RBPJ: variants seen among roughly 807,000 people sequenced by gnomAD.
The protein encoded by RBPJ is recombining binding protein suppressor of hairless.
Under a neutral mutation model 67.8 loss-of-function variants are expected in RBPJ, and 9 were observed. That is an observed-to-expected ratio of 0.13 (90% CI 0.08 to 0.23). The LOEUF (loss-of-function observed/expected upper bound fraction) is 0.23, where lower values mean the gene tolerates loss of function less well. Ranked by LOEUF, RBPJ falls within the 10% of genes least tolerant of loss-of-function variation. The pLI is 1.00. For missense variants in RBPJ, 305 were observed against 595.6 expected (o/e 0.51, Z 5.08); for synonymous variants, 198 against 203.3 (o/e 0.97, Z 0.22).
chr4:26,239,442 G>A (rs1181974976), intron 1 of RBPJ, among the ~76,000 whole-genome samples: 1 of 152,214 alleles, frequency 6.6e-6, no homozygotes, highest in Admixed American at 6.6e-5. Flanking sequence ...CAATGGTAGT[G>A]ACTCTGCAAA....
chr4:26,327,322 G>A (rs1046305183), intron 1 of RBPJ, among the ~76,000 whole-genome samples: 2 of 152,136 alleles, frequency 1.3e-5, no homozygotes, highest in Admixed American at 6.6e-5. Context: ...TAATTTTGTT[G>A]TGTTGAGACA....
chr4:26,118,413 C>T, the RBPJ span, among the ~76,000 whole-genome samples: 1 of 152,210 alleles, frequency 6.6e-6, no homozygotes, highest in Non-Finnish European at 1.5e-5. Flanking sequence ...TTTGGTTATT[C>T]TCCAGCCAAC....
At chr4:26,263,957 C>G (rs1720630578) in intron 1 of RBPJ, among the ~76,000 whole-genome samples, 1 of 151,962 alleles carries the variant, frequency 6.6e-6, no homozygotes, top group South Asian at 2.1e-4. Context: ...TCACTGCAAC[C>G]TCTGCCTCCC....
chr4:26,418,086 T>TA (rs1277899019), intron 4 of RBPJ, among the ~76,000 whole-genome samples: 1 of 152,254 alleles, frequency 6.6e-6, no homozygotes, highest in Non-Finnish European at 1.5e-5. Flanking sequence ...TTAAACATCA[T>TA]ATACTCTTGG....
intron 1 of RBPJ, among the ~76,000 whole-genome samples, chr4:26,256,530 T>C (rs899143141): frequency 3.3e-5 from 5 of 152,214 alleles, no homozygotes; most frequent in Non-Finnish European, 7.3e-5. Flanking sequence ...ATTTAGTTTA[T>C]AATATTCCAG....
chr4:26,401,887 C>CTT lies in RBPJ; in HGVS notation c.60-4271_60-4270dup, dbSNP rs58935903. On this transcript the variant is annotated intron_variant, in intron 2 of 10. Transcript: ENST00000355476. ...GCTTTTGTTTTCTTTTTCTTTCTTT[C>CTT]TTTTTTTTTTTTTTTTTTGAGAGGG... Among the ~76,000 whole-genome samples the CTT allele has an allele frequency of 8.0e-4, 104 of 129,698 alleles. 1 individual carries two copies. The highest frequency in any genetic ancestry group is 1.9e-3 in the African/African-American group (66 of 34,976). 85.1% of individuals were successfully genotyped at this position (129,698 alleles called of 152,430 possible).
chr4:26,144,813 C>G, the RBPJ span, among the ~76,000 whole-genome samples: 3 of 152,136 alleles, frequency 2.0e-5, no homozygotes, highest in Non-Finnish European at 2.9e-5. Flanking sequence ...ACTGGGGAAG[C>G]CTGACTTTGA....
At chr4:26,127,394 C>T in the RBPJ span, among the ~76,000 whole-genome samples, 1 of 152,266 alleles carries the variant, frequency 6.6e-6, no homozygotes, top group Non-Finnish European at 1.5e-5. Context: ...ATTGGCTCTC[C>T]TTGGCTATGG....
rs906384845 is a variant in RBPJ, at chr4:26,382,103, C to T, written c.21-4250C>T. Among the ~76,000 whole-genome samples, 11 of 152,102 alleles carry T rather than the reference C, an allele frequency of 7.2e-5. 1 individual carries two copies. Among genetic ancestry groups the T allele is most frequent in the Admixed American group, 6.5e-4 (10 of 15,276 alleles). ...TCAAAAATGTTTTACATAATAATTG[C>T]CTATACATGATTGGTCCAACTTATT... On this transcript the variant is annotated intron_variant, in intron 1 of 10. Coordinates refer to ENST00000355476, the MANE Select transcript of RBPJ (RefSeq NM_015874.6).
chr4:26,362,627 AG>A, intron 1 of RBPJ: 3 of 1,613,870 alleles, frequency 1.9e-6, no homozygotes, highest in Non-Finnish European at 2.5e-6. Flanking sequence ...GTGGATTAAA[AG>A]GTATGCTTTA....
rs151293696 is a variant in RBPJ at position 26,357,109 on chromosome 4, T to A, written c.21-29244T>A. On this transcript the variant is annotated intron_variant, in intron 1 of 10. Coordinates refer to ENST00000355476, the MANE Select transcript of RBPJ (RefSeq NM_015874.6). ...AGGTTAGATCAGACAAAAAAGTATT[T>A]TTTAATGTTTTGCTTAGAACTTTAA... Among the ~76,000 whole-genome samples, 275 of 152,338 alleles carry A rather than the reference T, an allele frequency of 1.8e-3. 2 individuals carry two copies. The highest frequency in any genetic ancestry group is 6.3e-3 in the African/African-American group (261 of 41,582).
chr4:26,116,649 G>A, the RBPJ span, among the ~76,000 whole-genome samples: 3 of 152,296 alleles, frequency 2.0e-5, no homozygotes, highest in South Asian at 2.1e-4. Flanking sequence ...CCATGAAGGT[G>A]CACCAAACAG....
the RBPJ span, among the ~76,000 whole-genome samples, chr4:26,146,777 G>A: frequency 6.6e-6 from 1 of 152,218 alleles, no homozygotes; most frequent in African/African-American, 2.4e-5. Context: ...GTTGGATTGT[G>A]TAGTCAGTCA....
the RBPJ span, among the ~76,000 whole-genome samples, chr4:26,136,642 A>G: frequency 6.6e-6 from 1 of 152,210 alleles, no homozygotes; most frequent in African/African-American, 2.4e-5. Context: ...TTACTTACAC[A>G]GAAAAGAAAA....
intron 1 of RBPJ, among the ~76,000 whole-genome samples, chr4:26,310,123 T>C (rs1015817195): frequency 2.0e-5 from 3 of 152,166 alleles, no homozygotes; most frequent in African/African-American, 7.2e-5. Flanking sequence ...TTAAACACAA[T>C]TGGACAGAAA....
chr4:26,255,303 C>T (rs1245101932), intron 1 of RBPJ, among the ~76,000 whole-genome samples: 2 of 125,704 alleles, frequency 1.6e-5, no homozygotes, highest in Admixed American at 8.4e-5. Context: ...ACTCGGGAGG[C>T]TGAGGCAGGA....
intron 1 of RBPJ, among the ~76,000 whole-genome samples, chr4:26,364,720 G>A (rs1054293875): frequency 4.7e-5 from 7 of 147,434 alleles, no homozygotes; most frequent in South Asian, 4.3e-4. Context: ...TCTACCTCCC[G>A]GTTCAAGCAA....
chr4:26,255,024 T>C (rs1720252190), intron 1 of RBPJ, among the ~76,000 whole-genome samples: 1 of 142,398 alleles, frequency 7.0e-6, no homozygotes, highest in Non-Finnish European at 1.5e-5. Flanking sequence ...ATGTTAAACA[T>C]GCTATATAGC....
chr4:26,304,090 T>C (rs1476762450), intron 1 of RBPJ, among the ~76,000 whole-genome samples: 1 of 152,230 alleles, frequency 6.6e-6, no homozygotes, highest in Non-Finnish European at 1.5e-5. Flanking sequence ...ATTTGCCTTT[T>C]CTGGACATTC....
Sources: allele counts gnomAD v4.1 joint callset (sites outside exome capture counted in the v4.1 genomes callset), GRCh38; gene constraint gnomAD v4.1.1; transcripts MANE v1.5; gene names NCBI Gene and HGNC (gene_info 2026-07-23, HGNC 2026-07-21).